The following FRAS1 variants were observed in gnomAD, a reference collection of about 807,000 sequenced individuals.
The protein encoded by FRAS1 is extracellular matrix organizing protein FRAS1.
In FRAS1, 290 loss-of-function variants were observed where a neutral mutation model predicts 435.2. The observed-to-expected ratio is 0.67, with a 90% CI of 0.61 to 0.73. FRAS1 has a LOEUF of 0.73. FRAS1 is among the 30% of genes least tolerant of loss of function. The pLI is 0.00. For missense variants in FRAS1, 4,860 were observed against 5,001.5 expected (o/e 0.97, Z 0.85); for synonymous variants, 1,800 against 1,851.0 (o/e 0.97, Z 0.71).
intron 26 of FRAS1, among the ~76,000 whole-genome samples, chr4:78,376,981 G>A (rs1176952150): frequency 6.6e-6 from 1 of 152,124 alleles, no homozygotes; most frequent in East Asian, 1.9e-4. Context: ...GTGACAGAGT[G>A]AGACTCTGTC....
intron 18 of FRAS1, among the ~76,000 whole-genome samples, chr4:78,330,849 G>A (rs2110255481): frequency 6.6e-6 from 1 of 152,280 alleles, no homozygotes; most frequent in South Asian, 2.1e-4. Flanking sequence ...GCCTCCACTT[G>A]CCTTGTGATA....
chr4:78,479,719 G>A lies in FRAS1; in HGVS notation c.8443+1G>A, dbSNP rs1469704106. 1 of 1,561,124 alleles carries A rather than the reference G, an allele frequency of 6.4e-7. No homozygotes were observed. The highest frequency in any genetic ancestry group is 1.2e-5 in the South Asian group (1 of 82,106). On this transcript the variant is annotated splice_donor_variant, in intron 56 of 73. Coordinates refer to ENST00000512123, the MANE Select transcript of FRAS1 (RefSeq NM_025074.7). LOFTEE classifies it high-confidence loss of function. ...GCTTTCACTGTCAGTGAGGACGCAG[G>A]TAATGGAGAGTGTCTCTGAGTTTCC...
At chr4:78,437,525 G>A (rs569909532) in intron 38 of FRAS1, among the ~76,000 whole-genome samples, 4 of 152,314 alleles carry the variant, frequency 2.6e-5, no homozygotes, top group African/African-American at 9.6e-5. Context: ...GGAAAATTCA[G>A]TGATCTTGAA....
At chr4:78,309,207 G>A (rs191741919) in intron 15 of FRAS1, among the ~76,000 whole-genome samples, 1 of 152,280 alleles carries the variant, frequency 6.6e-6, no homozygotes, top group Non-Finnish European at 1.5e-5. Flanking sequence ...GAGCGTCCAG[G>A]CAAGGAACAG....
chr4:78,419,942 G>T (rs561799728), intron 33 of FRAS1, among the ~76,000 whole-genome samples: 1 of 152,118 alleles, frequency 6.6e-6, no homozygotes, highest in Admixed American at 6.6e-5. Context: ...CCAGGGGGAT[G>T]GTGTTAAACC....
chr4:78,290,069 A>G (rs966946112), intron 14 of FRAS1, among the ~76,000 whole-genome samples: 2 of 152,142 alleles, frequency 1.3e-5, no homozygotes, highest in African/African-American at 4.8e-5. Flanking sequence ...GGGACCACTG[A>G]ACTGTGCACA....
intron 18 of FRAS1, among the ~76,000 whole-genome samples, chr4:78,323,481 A>G (rs1372555017): frequency 2.6e-5 from 4 of 152,224 alleles, no homozygotes; most frequent in African/African-American, 7.2e-5. Flanking sequence ...ACAACAAATT[A>G]ATAAAAACCT....
At chr4:78,341,364 A>G (rs417621) in intron 20 of FRAS1, among the ~76,000 whole-genome samples, 26,955 of 152,064 alleles carry the variant, frequency 0.18, 3,260 homozygotes, top group African/African-American at 0.35. Context: ...TGCCTTGAAG[A>G]TTCTGGGAAG....
At chr4:78,147,066 T>C (rs1482668447) in intron 2 of FRAS1, among the ~76,000 whole-genome samples, 2 of 152,160 alleles carry the variant, frequency 1.3e-5, no homozygotes, top group Non-Finnish European at 2.9e-5. Context: ...CCTGCCCCTT[T>C]CCTGGATGTT....
At chr4:78,188,608 G>A (rs967848523) in intron 2 of FRAS1, among the ~76,000 whole-genome samples, 6 of 152,120 alleles carry the variant, frequency 3.9e-5, no homozygotes, top group Admixed American at 1.3e-4. Flanking sequence ...TATAGATGTT[G>A]ATCACATCTA....
intron 12 of FRAS1, among the ~76,000 whole-genome samples, chr4:78,283,406 G>T (rs962424228): frequency 6.6e-6 from 1 of 152,258 alleles, no homozygotes; most frequent in Admixed American, 6.5e-5. Flanking sequence ...TTCTCAAATG[G>T]GTTTTTAAAG....
chr4:78,114,336 C>G (rs1390083197), intron 2 of FRAS1, among the ~76,000 whole-genome samples: 1 of 152,068 alleles, frequency 6.6e-6, no homozygotes, highest in Non-Finnish European at 1.5e-5. Flanking sequence ...TCCATATGAA[C>G]TTTAAAGTAG....
chr4:78,128,254 T>C (rs1017778770), intron 2 of FRAS1, among the ~76,000 whole-genome samples: 1 of 152,158 alleles, frequency 6.6e-6, no homozygotes, highest in African/African-American at 2.4e-5. Context: ...TTATAATCCT[T>C]TGGGTATATA....
intron 54 of FRAS1, among the ~76,000 whole-genome samples, chr4:78,477,135 A>G (rs1300648464): frequency 6.6e-6 from 1 of 152,208 alleles, no homozygotes; most frequent in Non-Finnish European, 1.5e-5. Context: ...TCAAGTTAAA[A>G]TTAGTCTACC....
intron 2 of FRAS1, among the ~76,000 whole-genome samples, chr4:78,114,785 G>T (rs1331063047): frequency 2.6e-5 from 4 of 152,330 alleles, no homozygotes; most frequent in African/African-American, 7.2e-5. Context: ...CAGGGACAAT[G>T]TGACTTCCTC....
Position 78,379,849 on chromosome 4 carries a change from T to G in FRAS1, c.3416T>G (p.Leu1139Arg). 6.2e-7 allele frequency: 1 copy of G among 1,613,944 alleles called. No individual in the cohort carries two copies. The highest frequency in any genetic ancestry group is 8.5e-7 in the Non-Finnish European group (1 of 1,179,858). The change falls in exon 27 of 74, where the codon CTA becomes CGA. Residue 1139 changes from leucine (L) to arginine (R), a missense_variant. By Grantham distance (102) the Leu-to-Arg change is moderately radical (BLOSUM62 -2). Transcript: ENST00000512123. The part of the protein sequence containing the change: ...QDQEGRVEDL[L>R]FHVVSTPTNG... ...CAGGAGGGTAGGGTCGAAGATCTCC[T>G]ATTTCATGTTGTGAGCACTCCCACC...
rs138580167 is a variant in FRAS1 at position 78,437,654 on chromosome 4, A to G, written c.5218-916A>G. On this transcript the variant is annotated intron_variant, in intron 38 of 73. Coordinates refer to ENST00000512123, the MANE Select transcript of FRAS1 (RefSeq NM_025074.7). Reference sequence around the variant, plus strand: ...CTCACATTCCTGATCCTGTACCTCAACTAACTGTACAACATAGCATGAAAA... The same window carrying G: ...CTCACATTCCTGATCCTGTACCTCAGCTAACTGTACAACATAGCATGAAAA... Among the ~76,000 whole-genome samples the G allele has an allele frequency of 9.8e-5, 15 of 152,314 alleles. No individual in the cohort carries two copies. The South Asian group carries it at 1.9e-3, about 19-fold the overall frequency.
intron 2 of FRAS1, among the ~76,000 whole-genome samples, chr4:78,220,336 A>T (rs1264153923): frequency 6.6e-6 from 1 of 152,214 alleles, no homozygotes; most frequent in Non-Finnish European, 1.5e-5. Flanking sequence ...TTTGTGACAC[A>T]TGAAAATGAT....
intron 20 of FRAS1, among the ~76,000 whole-genome samples, chr4:78,359,723 C>G (rs1731003122): frequency 2.6e-5 from 4 of 152,154 alleles, no homozygotes; most frequent in Admixed American, 2.6e-4. Flanking sequence ...ACTTTGCACA[C>G]TCGAGTATTT....
Sources: allele counts gnomAD v4.1 joint callset (sites outside exome capture counted in the v4.1 genomes callset), GRCh38; gene constraint gnomAD v4.1.1; transcripts MANE v1.5; gene names NCBI Gene and HGNC (gene_info 2026-07-23, HGNC 2026-07-21).